The following ALB variants were observed in gnomAD, a reference collection of about 807,000 sequenced individuals.
ALB encodes serum albumin.
In ALB, 37 loss-of-function variants were observed where a neutral mutation model predicts 74.5. The observed-to-expected ratio is 0.50, with a 90% CI of 0.38 to 0.65. The LOEUF (loss-of-function observed/expected upper bound fraction) is 0.65. Ranked by LOEUF, ALB falls within the 30% of genes least tolerant of loss-of-function variation. The probability of loss-of-function intolerance (pLI) is 0.00; values close to 1 mark genes in which losing one functional copy is unlikely to be tolerated. For synonymous variants in ALB, 249 were observed against 251.6 expected, an observed-to-expected ratio of 0.99 and a Z score of 0.10; for missense variants, 685 against 718.7, an observed-to-expected ratio of 0.95 and a Z score of 0.54.
At chr4:73,405,639 G>A (rs1380817310) in intron 2 of ALB, among the ~76,000 whole-genome samples, 3 of 151,718 alleles carry the variant, frequency 2.0e-5, no homozygotes, top group Non-Finnish European at 2.9e-5. Context: ...CGCCCAGGCT[G>A]GAGTGCAGTG....
intron 8 of ALB, 43 bp downstream of exon 8, chr4:73,413,677 C>A: frequency 6.3e-7 from 1 of 1,584,892 alleles, no homozygotes; most frequent in South Asian, 1.1e-5. Flanking sequence ...TTGGCATGAC[C>A]TCACAACTTA....
chr4:73,412,975 G>A (rs1718919090), intron 7 of ALB, among the ~76,000 whole-genome samples: 2 of 152,052 alleles, frequency 1.3e-5, no homozygotes, highest in Admixed American at 6.6e-5. Flanking sequence ...ATCTCTCATG[G>A]CACTTTCTGG....
chr4:73,419,916 T>G (rs1001127206), intron 13 of ALB, among the ~76,000 whole-genome samples: 1 of 152,222 alleles, frequency 6.6e-6, no homozygotes, highest in Admixed American at 6.5e-5. Flanking sequence ...CCTGAAATAT[T>G]TTGATCATGA....
Position 73,418,251 on chromosome 4 carries a change from T to C in ALB, c.1592T>C (p.Phe531Ser). 2 of 1,614,138 alleles carry C rather than the reference T, an allele frequency of 1.2e-6. No homozygotes were observed. Among genetic ancestry groups the C allele is most frequent in the Non-Finnish European group, 1.7e-6 (2 of 1,180,008 alleles). Residue 531 changes from phenylalanine (F) to serine (S), a missense_variant, in exon 12 of 15, where the codon TTC becomes TCC. Coordinates refer to ENST00000295897, the MANE Select transcript of ALB (RefSeq NM_000477.7). ...YVPKEFNAET[F>S]TFHADICTLS... ...CCCAAAGAGTTTAATGCTGAAACAT[T>C]CACCTTCCATGCAGATATATGCACA...
Position 73,412,034 on chromosome 4 carries a change from A to G in ALB, c.752A>G (p.Glu251Gly). 6.2e-7 allele frequency: 1 copy of G among 1,614,170 alleles called. No homozygotes were observed. The highest frequency in any genetic ancestry group is 8.5e-7 in the Non-Finnish European group (1 of 1,180,020). Residue 251 changes from glutamate to glycine, a missense_variant, in exon 7 of 15, where the codon GAG becomes GGG. Transcript: ENST00000295897. ...ARLSQRFPKA[E>G]FAEVSKLVTD... ...CTGAGCCAGAGATTTCCCAAAGCTG[A>G]GTTTGCAGAAGTTTCCAAGTTAGTG...
chr4:73,413,531 A>G lies in ALB; in HGVS notation c.955A>G (p.Asn319Asp). 1 of 1,614,210 alleles carries G rather than the reference A, an allele frequency of 6.2e-7. No homozygotes were observed. Among genetic ancestry groups the G allele is most frequent in the South Asian group, 1.1e-5 (1 of 91,088 alleles). ...ATCCCACTGCATTGCCGAAGTGGAA[A>G]ATGATGAGATGCCTGCTGACTTGCC... ...EKSHCIAEVE[N>D]DEMPADLPSL... Residue 319 changes from asparagine (N) to aspartate (D), a missense_variant, in exon 8 of 15, where the codon AAT becomes GAT. Asn to Asp is a conservative substitution (Grantham distance 23, BLOSUM62 1). Coordinates refer to ENST00000295897, the MANE Select transcript of ALB (RefSeq NM_000477.7).
intron 9 of ALB, 50 bp from the exon 10 acceptor site, chr4:73,416,206 C>A: frequency 6.8e-7 from 1 of 1,477,610 alleles, no homozygotes; most frequent in Non-Finnish European, 9.4e-7. Context: ...AAACAACCTG[C>A]ATCTGATCCT....
At chr4:73,409,328 T>A in intron 4 of ALB, 27 bp from the exon 5 acceptor site, 6 of 1,607,720 alleles carry the variant, frequency 3.7e-6, no homozygotes, top group Non-Finnish European at 4.3e-6. Context: ...TATAGAAAAG[T>A]GACTGTTTTT....
At chr4:73,410,273 T>C in intron 5 of ALB, 39 bp from the exon 6 acceptor site, 1 of 1,544,726 alleles carries the variant, frequency 6.5e-7, no homozygotes, top group Non-Finnish European at 9.0e-7. Context: ...TCATGTAGAA[T>C]TTTTCTTCTA....
At chr4:73,412,978 C>T (rs1176463404) in intron 7 of ALB, among the ~76,000 whole-genome samples, 3 of 152,126 alleles carry the variant, frequency 2.0e-5, no homozygotes, top group Non-Finnish European at 4.4e-5. Flanking sequence ...TCTCATGGCA[C>T]TTTCTGGAAA....
rs775238949 is a variant in ALB at position 73,418,138 on chromosome 4, A to G, written c.1479A>G (p.Val493=). 4.0e-5 allele frequency: 65 copies of G among 1,614,180 alleles called. 1 individual carries two copies. In the South Asian group the frequency reaches 5.3e-4, roughly 13 times the overall value. The change falls in exon 12 of 15, where the codon GTA becomes GTG. Residue 493 remains valine, a synonymous_variant. Transcript: ENST00000295897. The stretch of plus-strand genomic sequence containing the variant: ...GTGTGTTGCATGAGAAAACGCCAGT[A>G]AGTGACAGAGTCACCAAATGCTGCA... ...QLCVLHEKTP[V]SDRVTKCCTE...
At chr4:73,419,402 T>C (rs1215315080) in intron 12 of ALB, 105 bp from the exon 13 acceptor site, 1 of 1,332,942 alleles carries the variant, frequency 7.5e-7, no homozygotes, top group Admixed American at 2.4e-5. Context: ...GGCTCCAAGA[T>C]TTATAATCTT....
chr4:73,409,751 C>G (rs1174103529), intron 5 of ALB, among the ~76,000 whole-genome samples: 2 of 152,116 alleles, frequency 1.3e-5, no homozygotes, highest in Non-Finnish European at 2.9e-5. Flanking sequence ...GTGGTGATCA[C>G]TATAGTGAAA....
chr4:73,406,603 A>G (rs56787531), intron 2 of ALB, 26 bp from the exon 3 acceptor site: 1 of 1,611,906 alleles, frequency 6.2e-7, no homozygotes, highest in African/African-American at 1.3e-5. Context: ...TTATTATACT[A>G]CATTTTTCTA....
chr4:73,412,297 AC>A, intron 7 of ALB, 172 bp downstream of exon 7: 1 of 790,328 alleles, frequency 1.3e-6, no homozygotes, highest in South Asian at 1.5e-5. Context: ...TCTGTTTTTA[AC>A]CTGGCTATAA....
At chr4:73,405,779 A>G (rs1718708792) in intron 2 of ALB, among the ~76,000 whole-genome samples, 1 of 151,874 alleles carries the variant, frequency 6.6e-6, no homozygotes, top group Admixed American at 6.6e-5. Flanking sequence ...TTTAGTAGAG[A>G]TGGGGTTTCA....
At chr4:73,412,200 G>A (rs1040612685) in intron 7 of ALB, 75 bp downstream of exon 7, 1 of 1,537,906 alleles carries the variant, frequency 6.5e-7, no homozygotes. Context: ...GGTATCATTG[G>A]TGATAGCTGA....
At chr4:73,408,568 A>G (rs368010909) in intron 3 of ALB, 26 bp from the exon 4 acceptor site, 111 of 1,605,192 alleles carry the variant, frequency 6.9e-5, no homozygotes, top group Middle Eastern at 4.9e-4. Flanking sequence ...CTGTCCAGCA[A>G]CTGAAACCTG....
intron 7 of ALB, 193 bp downstream of exon 7, chr4:73,412,318 T>C (rs1718898517): frequency 3.0e-6 from 2 of 672,630 alleles, no homozygotes; most frequent in Admixed American, 4.4e-5. Flanking sequence ...AATTACCAGA[T>C]AAACCCATTC....
Sources: gnomAD v4.1 joint callset for allele counts (sites outside exome capture counted in the v4.1 genomes callset) on GRCh38, gnomAD v4.1.1 for gene constraint, MANE v1.5 for transcripts, NCBI Gene and HGNC (gene_info 2026-07-23, HGNC 2026-07-21) for gene names.